The following GPC5 variants were observed in gnomAD, a reference collection of about 807,000 sequenced individuals.
GPC5 encodes the protein glypican-5.
GPC5 carries 47 observed loss-of-function variants against 53.9 expected under a neutral mutation model. That is an observed-to-expected ratio of 0.87 (90% CI 0.69 to 1.11). The LOEUF is 1.11. GPC5 is among the 50% of genes most tolerant of loss of function. The pLI, the probability that GPC5 is intolerant of heterozygous loss-of-function variation, is 0.00. For synonymous variants in GPC5, 286 were observed against 263.3 expected (o/e 1.09, Z -0.84); for missense variants, 748 against 713.1 (o/e 1.05, Z -0.56).
chr13:91,494,461 C>T (rs76295851), intron 2 of GPC5, among the ~76,000 whole-genome samples: 24 of 151,928 alleles, frequency 1.6e-4, no homozygotes, highest in Admixed American at 1.4e-3. Context: ...GTACTTTCTC[C>T]AGCTGCTGCT....
At chr13:92,370,341 G>A (rs2043640281) in intron 7 of GPC5, among the ~76,000 whole-genome samples, 1 of 152,122 alleles carries the variant, frequency 6.6e-6, no homozygotes, top group African/African-American at 2.4e-5. Context: ...CAATACATGT[G>A]TAGTTTCTGA....
intron 7 of GPC5, among the ~76,000 whole-genome samples, chr13:92,201,577 T>A (rs1470278762): frequency 7.0e-6 from 1 of 143,392 alleles, no homozygotes; most frequent in Non-Finnish European, 1.5e-5. Flanking sequence ...CTCCATTCCA[T>A]TTTTTTTTCT....
At chr13:91,889,492 T>C (rs932842074) in intron 5 of GPC5, among the ~76,000 whole-genome samples, 1 of 152,020 alleles carries the variant, frequency 6.6e-6, no homozygotes, top group Non-Finnish European at 1.5e-5. Flanking sequence ...GGAACTTGGA[T>C]GGGACTCCAT....
intron 5 of GPC5, among the ~76,000 whole-genome samples, chr13:91,780,307 C>T (rs573552730): frequency 6.6e-6 from 1 of 152,206 alleles, no homozygotes; most frequent in Admixed American, 6.5e-5. Flanking sequence ...TGTTCTTTAC[C>T]CTCTTGTCTA....
At chr13:91,503,787 A>G (rs1041028037) in intron 2 of GPC5, among the ~76,000 whole-genome samples, 4 of 139,020 alleles carry the variant, frequency 2.9e-5, no homozygotes, top group African/African-American at 1.2e-4. Context: ...TCAAAATAAT[A>G]ATAATAATAA....
At chr13:91,743,168 A>G (rs2036973252) in intron 4 of GPC5, among the ~76,000 whole-genome samples, 1 of 151,956 alleles carries the variant, frequency 6.6e-6, no homozygotes, top group Admixed American at 6.6e-5. Flanking sequence ...TGAATCTTCT[A>G]CCCCTTTTCC....
intron 6 of GPC5, among the ~76,000 whole-genome samples, chr13:91,928,468 G>C (rs1204085656): frequency 1.3e-5 from 2 of 152,140 alleles, no homozygotes; most frequent in East Asian, 1.9e-4. Context: ...AGTATAGGAG[G>C]CCAGAATGAA....
intron 7 of GPC5, among the ~76,000 whole-genome samples, chr13:92,674,098 T>C (rs1462052595): frequency 6.6e-6 from 1 of 152,204 alleles, no homozygotes; most frequent in Non-Finnish European, 1.5e-5. Context: ...ATGCCTTCCA[T>C]TTGATTGGCC....
intron 2 of GPC5, among the ~76,000 whole-genome samples, chr13:91,665,854 C>T (rs2035099372): frequency 6.6e-6 from 1 of 152,102 alleles, no homozygotes; most frequent in South Asian, 2.1e-4. Flanking sequence ...TTGGGCAAAC[C>T]TATGATCACC....
chr13:92,338,013 T>A (rs2043336645), intron 7 of GPC5, among the ~76,000 whole-genome samples: 1 of 151,858 alleles, frequency 6.6e-6, no homozygotes, highest in Non-Finnish European at 1.5e-5. Flanking sequence ...GACAAAAGAA[T>A]GAGAGGTGAA....
intron 2 of GPC5, among the ~76,000 whole-genome samples, chr13:91,523,863 C>G (rs549478125): frequency 6.6e-6 from 1 of 151,936 alleles, no homozygotes; most frequent in Non-Finnish European, 1.5e-5. Context: ...GTGCATAATA[C>G]GAGTCACTCA....
intron 7 of GPC5, among the ~76,000 whole-genome samples, chr13:92,369,233 G>C (rs2043631138): frequency 6.6e-6 from 1 of 152,156 alleles, no homozygotes. Flanking sequence ...ACCCAGGCTG[G>C]AGTGCAGTGG....
rs118106759 is a variant in GPC5, at chr13:92,722,757, G to A, written c.1562-143525G>A. Reference sequence around the variant, plus strand: ...CTCCAGAGTGTGATTGGGTAATTGTGCAAAGAAAAGTCAGGTTGTTTAGGA... The same window carrying A: ...CTCCAGAGTGTGATTGGGTAATTGTACAAAGAAAAGTCAGGTTGTTTAGGA... On this transcript the variant is annotated intron_variant, in intron 7 of 7. Transcript: ENST00000377067. Among the ~76,000 whole-genome samples, 545 of 151,888 alleles carry A rather than the reference G, an allele frequency of 3.6e-3. 1 individual carries two copies. Among genetic ancestry groups the A allele is most frequent in the Non-Finnish European group, 5.4e-3 (364 of 67,832 alleles).
chr13:92,812,947 TTCC>T (rs1877346551), intron 7 of GPC5, among the ~76,000 whole-genome samples: 1 of 151,976 alleles, frequency 6.6e-6, no homozygotes, highest in African/African-American at 2.4e-5. Flanking sequence ...ATTTTAGATT[TTCC>T]TCATCAGTCT....
chr13:92,115,135 A>G (rs2041589999), intron 6 of GPC5, among the ~76,000 whole-genome samples: 1 of 152,212 alleles, frequency 6.6e-6, no homozygotes, highest in African/African-American at 2.4e-5. Context: ...TTTATATAGG[A>G]TAAAATCCAT....
Position 92,429,630 on chromosome 13 carries a change from G to A in GPC5, c.1561+284641G>A, listed in dbSNP as rs532929613. Among the ~76,000 whole-genome samples, 3 of 151,960 alleles carry A rather than the reference G, an allele frequency of 2.0e-5. No individual in the cohort carries two copies. In the South Asian group the frequency reaches 6.2e-4, roughly 32 times the overall value. ...GCACCATTTTCACATATCATTTGCT[G>A]TTTGTTTTCTATCAACCTCTCTGGA... On this transcript the variant is annotated intron_variant, in intron 7 of 7. Transcript: ENST00000377067.
At position 91,398,901 on chromosome 13, in the gene GPC5, G is replaced by A. The variant is rs1876682066; in HGVS notation, c.-146G>A. The A allele has an allele frequency of 5.2e-6, 5 of 969,014 alleles. No individual in the cohort carries two copies. The highest frequency in any genetic ancestry group is 7.3e-6 in the Non-Finnish European group (5 of 684,746). 60.0% of individuals were successfully genotyped at this position (969,014 alleles called of 1,614,324 possible). ...GAGCTAACTGCTCCCAGGTGAAGCC[G>A]GTGCCCGCGGGCGGTCCGTACACCC... On this transcript the variant is annotated 5_prime_UTR_variant, in exon 1 of 8. Coordinates refer to ENST00000377067, the MANE Select transcript of GPC5 (RefSeq NM_004466.6).
In GPC5 at chr13:91,526,005, T is replaced by C. The variant is rs147580463; in HGVS notation, c.325+77083T>C. Among the ~76,000 whole-genome samples the C allele has an allele frequency of 8.9e-4, 135 of 152,188 alleles. 1 individual carries two copies. The highest frequency in any genetic ancestry group is 3.1e-3 in the African/African-American group (128 of 41,526). The stretch of plus-strand genomic sequence containing the variant: ...TAGAGTATTCTGCTGGGGGAGTAAG[T>C]AGTTGAGAATTTTGGGGATTGAGGA... On this transcript the variant is annotated intron_variant, in intron 2 of 7. Coordinates refer to ENST00000377067, the MANE Select transcript of GPC5 (RefSeq NM_004466.6).
intron 7 of GPC5, among the ~76,000 whole-genome samples, chr13:92,672,139 C>T (rs894444924): frequency 2.6e-5 from 4 of 152,150 alleles, no homozygotes; most frequent in South Asian, 2.1e-4. Context: ...TTACTCCCAG[C>T]GAGCTAAATT....
Sources: gnomAD v4.1 joint callset for allele counts (sites outside exome capture counted in the v4.1 genomes callset) on GRCh38, gnomAD v4.1.1 for gene constraint, MANE v1.5 for transcripts, NCBI Gene and HGNC (gene_info 2026-07-23, HGNC 2026-07-21) for gene names.